ZNF705G: variants seen among roughly 807,000 people sequenced by gnomAD.
ZNF705G encodes the protein putative zinc finger protein 705G.
A neutral mutation model predicts 19.6 loss-of-function variants in ZNF705G; 23 were observed. That is an observed-to-expected ratio of 1.17 (90% CI 0.84 to 1.66). The LOEUF (loss-of-function observed/expected upper bound fraction) is 1.66. ZNF705G is among the 40% of genes most tolerant of loss of function. The pLI is 0.00. For synonymous variants in ZNF705G, 146 were observed against 117.7 expected, an observed-to-expected ratio of 1.24 and a Z score of -1.56; for missense variants, 457 against 354.4, an observed-to-expected ratio of 1.29 and a Z score of -2.32.
chr8:7,369,043 A>T (rs1806982234), intron 2 of ZNF705G, among the ~76,000 whole-genome samples: 1 of 149,636 alleles, frequency 6.7e-6, no homozygotes, highest in East Asian at 1.9e-4. Flanking sequence ...CTTACATCAC[A>T]GCAGGCAAGT....
At chr8:7,380,783 G>A (rs1002310736) in intron 2 of ZNF705G, among the ~76,000 whole-genome samples, 1 of 146,024 alleles carries the variant, frequency 6.8e-6, no homozygotes. Context: ...ACTTTGGAAG[G>A]CTGAGGGGGG....
chr8:7,382,460 A>G lies in ZNF705G; in HGVS notation c.-221-859T>C, dbSNP rs1222369455. Among the ~76,000 whole-genome samples the G allele has an allele frequency of 2.0e-5, 3 of 146,650 alleles. 1 individual carries two copies. Among genetic ancestry groups the G allele is most frequent in the Admixed American group, 1.3e-4 (2 of 15,166 alleles). ...AAATAGTGATATTGAGGATTCATCCATTTATTCATTTATCCTCATTCATTT... is the reference window on the plus strand; with the variant it reads ...AAATAGTGATATTGAGGATTCATCCGTTTATTCATTTATCCTCATTCATTT... On this transcript the variant is annotated intron_variant, in intron 1 of 6. Transcript: ENST00000400156.
intron 1 of ZNF705G, among the ~76,000 whole-genome samples, chr8:7,382,456 A>T (rs1455769729): frequency 6.8e-6 from 1 of 146,682 alleles, no homozygotes; most frequent in Non-Finnish European, 1.5e-5. Flanking sequence ...TTGAGGATTC[A>T]TCCATTTATT....
At chr8:7,370,804 G>T (rs1387550733) in intron 2 of ZNF705G, among the ~76,000 whole-genome samples, 1 of 110,290 alleles carries the variant, frequency 9.1e-6, no homozygotes, top group Non-Finnish European at 1.8e-5. Context: ...CAAAGACATG[G>T]AATCAACCCG....
Position 7,360,327 on chromosome 8 carries a change from G to T in ZNF705G, c.145C>A (p.Gln49Lys), listed in dbSNP as rs576676451. 1.9e-6 allele frequency: 3 copies of T among 1,588,632 alleles called. No individual in the cohort carries two copies. Among genetic ancestry groups the T allele is most frequent in the Non-Finnish European group, 1.7e-6 (2 of 1,178,302 alleles). Residue 49 changes from glutamine to lysine, a missense_variant, in exon 5 of 7, where the codon CAG becomes AAG. By Grantham distance (53) the Gln-to-Lys change is moderately conservative. Coordinates refer to ENST00000400156, the MANE Select transcript of ZNF705G (RefSeq NM_001164457.3). ...AAAATTATATAGGATTTGCTTATCT[G>T]GTACCCTGTTAGTGGAAAGAATACA... ...NISHLVSLGY[Q>K]ISKSYIILQL...
At chr8:7,383,125 A>ATTTTTTTTTTT (rs5889203) in intron 1 of ZNF705G, among the ~76,000 whole-genome samples, 3 of 125,800 alleles carry the variant, frequency 2.4e-5, no homozygotes, top group Non-Finnish European at 4.9e-5. Flanking sequence ...TCAATGTTTG[A>ATTTTTTTTTTT]TTTTTTTTTT....
At chr8:7,361,502 G>A (rs1249557422) in intron 3 of ZNF705G, among the ~76,000 whole-genome samples, 1 of 149,658 alleles carries the variant, frequency 6.7e-6, no homozygotes, top group Non-Finnish European at 1.5e-5. Flanking sequence ...TCAGTAATGT[G>A]TTAATCACCT....
intron 5 of ZNF705G, 25 bp from the exon 6 acceptor site, chr8:7,359,726 T>C (rs771250085): frequency 8.1e-6 from 13 of 1,606,132 alleles, no homozygotes; most frequent in Non-Finnish European, 1.1e-5. Flanking sequence ...AAATAAATTG[T>C]TACATTGGTA....
rs1441178747 is a variant in ZNF705G, at chr8:7,359,107, C to A, written c.318+512G>T. On this transcript the variant is annotated intron_variant, in intron 6 of 6. Transcript: ENST00000400156. ...CATGAATGACTATTTTTTCTACCCACCTTTTACATGAAAATTGTGTACTTC... is the reference window on the plus strand; with the variant it reads ...CATGAATGACTATTTTTTCTACCCAACTTTTACATGAAAATTGTGTACTTC... Among the ~76,000 whole-genome samples, 10 of 149,594 alleles carry A rather than the reference C, an allele frequency of 6.7e-5. 1 individual carries two copies. Among genetic ancestry groups the A allele is most frequent in the African/African-American group, 1.8e-4 (7 of 39,004 alleles).
At chr8:7,363,890 T>C (rs1168062656) in intron 2 of ZNF705G, among the ~76,000 whole-genome samples, 1 of 149,364 alleles carries the variant, frequency 6.7e-6, no homozygotes, top group African/African-American at 2.6e-5. Context: ...GGGTCAACAC[T>C]CCCATCCTGC....
At chr8:7,367,565 T>A (rs1806914225) in intron 2 of ZNF705G, among the ~76,000 whole-genome samples, 1 of 149,490 alleles carries the variant, frequency 6.7e-6, no homozygotes, top group Non-Finnish European at 1.5e-5. Flanking sequence ...AGGAAAGCAC[T>A]GTGCATGCCG....
In ZNF705G at chr8:7,360,225, C is replaced by A; in HGVS notation, c.235+12G>T. On this transcript the variant is annotated intron_variant, in intron 5 of 6. Transcript: ENST00000400156. The stretch of plus-strand genomic sequence containing the variant: ...ACCTCCTCCTATTAGAGCACAGGAC[C>A]CTGTTGCTTACTTGGATTCTGGTCT... The A allele has an allele frequency of 4.4e-6, 7 of 1,591,690 alleles. No individual in the cohort carries two copies. The highest frequency in any genetic ancestry group is 5.1e-6 in the Non-Finnish European group (6 of 1,178,834).
intron 5 of ZNF705G, among the ~76,000 whole-genome samples, 173 bp downstream of exon 5, chr8:7,360,064 G>T (rs1382033097): frequency 6.7e-6 from 1 of 149,434 alleles, no homozygotes; most frequent in Non-Finnish European, 1.5e-5. Context: ...CACAAGAGTA[G>T]CATCTGACAC....
At chr8:7,377,190 A>AACACAC (rs753051942) in intron 2 of ZNF705G, 92 of 28,392 alleles carry the variant, frequency 3.2e-3, no homozygotes, top group Middle Eastern at 7.1e-3. Flanking sequence ...GAAATCAAAT[A>AACACAC]ACACACACAC....
At chr8:7,362,410 T>G (rs919549634) in intron 3 of ZNF705G, among the ~76,000 whole-genome samples, 2 of 149,538 alleles carry the variant, frequency 1.3e-5, no homozygotes. Flanking sequence ...ACAGCTCTTG[T>G]CCAAGTCCTA....
chr8:7,383,627 A>G (rs900688093), intron 1 of ZNF705G, among the ~76,000 whole-genome samples: 13 of 147,596 alleles, frequency 8.8e-5, no homozygotes, highest in African/African-American at 3.0e-4. Flanking sequence ...CCAACCCCCA[A>G]AGTGGTGATG....
At chr8:7,365,375 A>ATTTTTTTT (rs71253679) in intron 2 of ZNF705G, among the ~76,000 whole-genome samples, 1 of 112,056 alleles carries the variant, frequency 8.9e-6, no homozygotes, top group South Asian at 2.8e-4. Flanking sequence ...GTCTCTCTCT[A>ATTTTTTTT]TTTTTTTTTT....
intron 2 of ZNF705G, among the ~76,000 whole-genome samples, chr8:7,363,879 A>T (rs185949907): frequency 6.0e-5 from 9 of 149,472 alleles, no homozygotes; most frequent in Admixed American, 5.9e-4. Flanking sequence ...TTTCACTTAG[A>T]GGGTCAACAC....
Position 7,358,170 on chromosome 8 carries a change from A to C in ZNF705G, c.709T>G (p.Phe237Val). Residue 237 changes from phenylalanine to valine, a missense_variant, in exon 7 of 7, where the codon TTT becomes GTT. Physicochemically the swap from Phe to Val is conservative, Grantham distance 50. Coordinates refer to ENST00000400156, the MANE Select transcript of ZNF705G (RefSeq NM_001164457.3). Reference sequence around the variant, plus strand: ...CTTTGAAGGTTAAAGGATTGAATAAAGACTTTCCCATATTGATGACACTTA... The same window carrying C: ...CTTTGAAGGTTAAAGGATTGAATAACGACTTTCCCATATTGATGACACTTA... ...PYKCHQYGKV[F>V]IQSFNLQRHE... The C allele has an allele frequency of 6.2e-7, 1 of 1,607,460 alleles. No homozygotes were observed. Among genetic ancestry groups the C allele is most frequent in the Non-Finnish European group, 8.5e-7 (1 of 1,179,550 alleles).
Sources: allele counts gnomAD v4.1 joint callset (sites outside exome capture counted in the v4.1 genomes callset), GRCh38; gene constraint gnomAD v4.1.1; transcripts MANE v1.5; gene names NCBI Gene and HGNC (gene_info 2026-07-23, HGNC 2026-07-21).